The following TUT4 variants were observed in gnomAD, a reference collection of about 807,000 sequenced individuals.
TUT4 encodes the protein terminal uridylyltransferase 4.
In TUT4, 36 loss-of-function variants were observed where a neutral mutation model predicts 192.2. That is an observed-to-expected ratio of 0.19 (90% CI 0.14 to 0.25). TUT4 has a LOEUF of 0.25. Among genes scored for constraint, TUT4 ranks in the 10% least tolerant of loss-of-function variants. The pLI, the probability that TUT4 is intolerant of heterozygous loss-of-function variation, is 1.00. For missense variants in TUT4, 1,493 were observed against 1,957.2 expected (o/e 0.76, Z 4.47); for synonymous variants, 618 against 666.0 (o/e 0.93, Z 1.11).
At chr1:52,533,431 C>T (rs767835759) in intron 1 of TUT4, among the ~76,000 whole-genome samples, 16 of 152,188 alleles carry the variant, frequency 1.1e-4, no homozygotes, top group Non-Finnish European at 2.4e-4. Context: ...AATATCTTCT[C>T]AGTAAGATCA....
intron 20 of TUT4, among the ~76,000 whole-genome samples, chr1:52,448,624 C>A (rs1479611456): frequency 6.8e-6 from 1 of 146,848 alleles, no homozygotes; most frequent in African/African-American, 2.5e-5. Context: ...GAGGCAATTG[C>A]AGCTATTAAT....
At chr1:52,456,770 T>C (rs560936172) in intron 20 of TUT4, among the ~76,000 whole-genome samples, 1 of 152,176 alleles carries the variant, frequency 6.6e-6, no homozygotes, top group Non-Finnish European at 1.5e-5. Context: ...TATTGATGTA[T>C]CATTGATTAT....
At chr1:52,540,505 A>C (rs1224379204) in intron 1 of TUT4, among the ~76,000 whole-genome samples, 1 of 123,418 alleles carries the variant, frequency 8.1e-6, no homozygotes, top group African/African-American at 2.7e-5. Flanking sequence ...AAAGAGCAAG[A>C]CTCCGACTCA....
chr1:52,531,227 CT>C (rs555777687), intron 1 of TUT4, among the ~76,000 whole-genome samples: 1,591 of 142,730 alleles, frequency 0.011, 11 homozygotes, highest in South Asian at 0.023. Flanking sequence ...AGAAAAAGTA[CT>C]TTTTTTTTTT....
intron 2 of TUT4, 31 bp downstream of exon 2, chr1:52,525,532 T>C (rs1681525151): frequency 2.5e-6 from 4 of 1,581,062 alleles, no homozygotes; most frequent in Non-Finnish European, 3.4e-6. Flanking sequence ...AGAACATTAA[T>C]ATACAAAAAT....
chr1:52,545,953 C>T (rs1687958894), intron 1 of TUT4, among the ~76,000 whole-genome samples: 1 of 135,938 alleles, frequency 7.4e-6, no homozygotes, highest in South Asian at 2.3e-4. Flanking sequence ...GAAACTGCAT[C>T]TCTACAAAAA....
At chr1:52,508,059 T>A (rs1253218448) in intron 4 of TUT4, among the ~76,000 whole-genome samples, 1 of 152,144 alleles carries the variant, frequency 6.6e-6, no homozygotes, top group East Asian at 1.9e-4. Flanking sequence ...GCAACTCACC[T>A]GCCTCAGCCT....
At chr1:52,523,241 C>A (rs888319116) in intron 2 of TUT4, among the ~76,000 whole-genome samples, 1 of 151,704 alleles carries the variant, frequency 6.6e-6, no homozygotes, top group African/African-American at 2.4e-5. Context: ...GATCCATGCA[C>A]CTCGGCGTCC....
chr1:52,504,854 T>C (rs1265466502), intron 4 of TUT4, among the ~76,000 whole-genome samples: 2 of 152,214 alleles, frequency 1.3e-5, no homozygotes, highest in Non-Finnish European at 2.9e-5. Flanking sequence ...AAAAGGCTTA[T>C]TTAACTTAGC....
At position 52,550,900 on chromosome 1, in the gene TUT4, C is replaced by T. The variant is rs189683726; in HGVS notation, c.-94+2031G>A. On this transcript the variant is annotated intron_variant, in intron 1 of 29. Transcript: ENST00000257177. ...GATCAACAGATCCTGATTTGACATT[C>T]TGTAGAGAACACAACATAATTAATG... 9.8e-4 allele frequency among the ~76,000 whole-genome samples: 149 copies of T among 152,234 alleles called. 1 individual carries two copies. Among genetic ancestry groups the T allele is most frequent in the Non-Finnish European group, 1.4e-3 (97 of 68,008 alleles).
At chr1:52,461,017 C>CT (rs1662403964) in intron 19 of TUT4, 117 bp downstream of exon 19, 3 of 777,738 alleles carry the variant, frequency 3.9e-6, no homozygotes, top group Admixed American at 2.9e-5. Flanking sequence ...CTGAAAGTTT[C>CT]TTTTTTAAAA....
At chr1:52,483,971 T>A (rs941685553) in intron 9 of TUT4, among the ~76,000 whole-genome samples, 2 of 152,030 alleles carry the variant, frequency 1.3e-5, no homozygotes, top group Admixed American at 6.6e-5. Flanking sequence ...TAGCAAGACC[T>A]CCGTCTCTAA....
At chr1:52,493,812 T>TG (rs1202502456) in intron 6 of TUT4, 150 bp from the exon 7 acceptor site, 1 of 618,280 alleles carries the variant, frequency 1.6e-6, no homozygotes, top group Admixed American at 3.4e-5. Flanking sequence ...GTTTTTTTTT[T>TG]GTTTTTTTTT....
intron 4 of TUT4, among the ~76,000 whole-genome samples, chr1:52,508,464 A>C (rs1166222104): frequency 6.6e-6 from 1 of 152,166 alleles, no homozygotes; most frequent in African/African-American, 2.4e-5. Flanking sequence ...TATCTGCTTC[A>C]GTTCATTTGT....
intron 2 of TUT4, among the ~76,000 whole-genome samples, chr1:52,524,951 C>T (rs749051424): frequency 6.6e-6 from 1 of 152,222 alleles, no homozygotes; most frequent in African/African-American, 2.4e-5. Context: ...CAACTTTCTG[C>T]TCCAGCCGTA....
chr1:52,551,038 AATC>A (rs1347551969), intron 1 of TUT4, among the ~76,000 whole-genome samples: 1 of 149,382 alleles, frequency 6.7e-6, no homozygotes, highest in Non-Finnish European at 1.5e-5. Flanking sequence ...GCTCTTTGTT[AATC>A]AGAGAAATTT....
intron 20 of TUT4, among the ~76,000 whole-genome samples, chr1:52,452,401 C>T (rs532593718): frequency 5.9e-4 from 90 of 152,310 alleles, no homozygotes; most frequent in Non-Finnish European, 1.1e-3. Context: ...TGACTACTGG[C>T]TGACAGCCCC....
chr1:52,466,658 A>AT (rs1190197921), intron 15 of TUT4, among the ~76,000 whole-genome samples: 2 of 135,814 alleles, frequency 1.5e-5, no homozygotes, highest in African/African-American at 3.2e-5. Flanking sequence ...AAAAAAAAAA[A>AT]AATATATATA....
chr1:52,490,219 C>T (rs75403984), intron 8 of TUT4, among the ~76,000 whole-genome samples: 10 of 144,450 alleles, frequency 6.9e-5, no homozygotes, highest in East Asian at 2.3e-4. Context: ...GGCACAATCA[C>T]GGCTCACTGC....
Sources: allele counts gnomAD v4.1 joint callset (sites outside exome capture counted in the v4.1 genomes callset), GRCh38; gene constraint gnomAD v4.1.1; transcripts MANE v1.5; gene names NCBI Gene and HGNC (gene_info 2026-07-23, HGNC 2026-07-21).